The following GNB4 variants were observed in gnomAD, a reference collection of about 807,000 sequenced individuals.
GNB4 encodes the protein guanine nucleotide-binding protein subunit beta-4.
GNB4 carries 28 observed loss-of-function variants against 45.2 expected under a neutral mutation model. The observed-to-expected ratio is 0.62, with a 90% CI of 0.46 to 0.85. The LOEUF is 0.85. Ranked by LOEUF, GNB4 falls within the 40% of genes least tolerant of loss-of-function variation. The probability of loss-of-function intolerance (pLI) is 0.00; values close to 1 mark genes in which losing one functional copy is unlikely to be tolerated. For synonymous variants in GNB4, 132 were observed against 143.7 expected (o/e 0.92, Z 0.58); for missense variants, 321 against 425.4 (o/e 0.75, Z 2.16).
intron 8 of GNB4, among the ~76,000 whole-genome samples, chr3:179,408,660 T>C (rs1714550227): frequency 6.6e-6 from 1 of 151,924 alleles, no homozygotes; most frequent in Admixed American, 6.6e-5. Context: ...GGCATGGTAG[T>C]GTGCACCTGT....
chr3:179,405,582 A>AT, intron 8 of GNB4, 176 bp from the exon 9 acceptor site: 1 of 569,734 alleles, frequency 1.8e-6, no homozygotes, highest in Admixed American at 3.1e-5. Context: ...CAAAGTGGTG[A>AT]TTAAGACTGA....
chr3:179,414,169 A>C (rs1714730233), intron 6 of GNB4, among the ~76,000 whole-genome samples: 1 of 152,224 alleles, frequency 6.6e-6, no homozygotes, highest in African/African-American at 2.4e-5. Flanking sequence ...CCTATGAGTT[A>C]GCCCTTCTCT....
chr3:179,478,167 T>C, the GNB4 span, among the ~76,000 whole-genome samples: 4 of 152,038 alleles, frequency 2.6e-5, no homozygotes, highest in Admixed American at 2.6e-4. Context: ...ACAATCCACT[T>C]TCATGATAAC....
rs142308226 is a variant in GNB4 at position 179,426,167 on chromosome 3, C to G, written c.34G>C (p.Glu12Gln). 2.0e-5 allele frequency: 32 copies of G among 1,604,042 alleles called. No individual in the cohort carries two copies. The highest frequency in any genetic ancestry group is 2.6e-5 in the Non-Finnish European group (31 of 1,177,896). Reference sequence around the variant, plus strand: ...ACCTGAATCTGATTCCGCAGTTGTTCTGCTTCTTGCCTCAACTGTTCCAGT... The same window carrying G: ...ACCTGAATCTGATTCCGCAGTTGTTGTGCTTCTTGCCTCAACTGTTCCAGT... ...SELEQLRQEA[E>Q]QLRNQIQDAR... is the part of the protein sequence containing the mutation. The change falls in exon 2 of 10, where the codon GAA becomes CAA. Residue 12 changes from glutamate (E) to glutamine (Q), a missense_variant. Coordinates refer to ENST00000232564, the MANE Select transcript of GNB4 (RefSeq NM_021629.4).
At chr3:179,450,552 T>C (rs1340190569) in intron 1 of GNB4, among the ~76,000 whole-genome samples, 1 of 152,170 alleles carries the variant, frequency 6.6e-6, no homozygotes, top group Admixed American at 6.5e-5. Context: ...GATGCATCCT[T>C]ATCCTTTATG....
the GNB4 span, among the ~76,000 whole-genome samples, chr3:179,462,551 T>C: frequency 1.3e-5 from 2 of 152,122 alleles, no homozygotes; most frequent in Admixed American, 6.6e-5. Flanking sequence ...TTAAAAATAA[T>C]TGGTTGGCCG....
chr3:179,520,636 C>T, the GNB4 span, among the ~76,000 whole-genome samples: 3 of 152,098 alleles, frequency 2.0e-5, no homozygotes, highest in Admixed American at 1.3e-4. Context: ...ACTTTCTGCT[C>T]CCCGGCTCCT....
At chr3:179,510,998 C>G in the GNB4 span, among the ~76,000 whole-genome samples, 10 of 152,262 alleles carry the variant, frequency 6.6e-5, no homozygotes, top group African/African-American at 1.9e-4. Context: ...GACTCCCACC[C>G]CCCACCTACA....
At chr3:179,440,139 C>A (rs545227045) in intron 1 of GNB4, among the ~76,000 whole-genome samples, 1 of 152,222 alleles carries the variant, frequency 6.6e-6, no homozygotes, top group African/African-American at 2.4e-5. Flanking sequence ...CAATTAATTC[C>A]TTGACATATT....
chr3:179,524,773 T>C, the GNB4 span, among the ~76,000 whole-genome samples: 76 of 152,100 alleles, frequency 5.0e-4, no homozygotes, highest in Middle Eastern at 3.4e-3. Context: ...GCTAACTGAT[T>C]TGGGAGAGGT....
the GNB4 span, among the ~76,000 whole-genome samples, chr3:179,491,874 G>C: frequency 0.59 from 89,693 of 152,022 alleles, 26,872 homozygotes; most frequent in East Asian, 0.96. Flanking sequence ...AGGTATCAAT[G>C]TAATATCTAG....
chr3:179,494,293 AAGAG>A, the GNB4 span, among the ~76,000 whole-genome samples: 4 of 151,842 alleles, frequency 2.6e-5, no homozygotes, highest in African/African-American at 9.7e-5. Flanking sequence ...GAAAGAAAGA[AAGAG>A]AGAGGAAGGA....
the GNB4 span, among the ~76,000 whole-genome samples, chr3:179,522,199 C>T: frequency 2.0e-5 from 3 of 152,270 alleles, no homozygotes; most frequent in South Asian, 2.1e-4. Flanking sequence ...GTTAAAATGG[C>T]CTGTTCCTGC....
At chr3:179,465,056 G>C in the GNB4 span, 27 of 1,496,714 alleles carry the variant, frequency 1.8e-5, no homozygotes, top group South Asian at 2.7e-4. Context: ...TACTTCCAAA[G>C]AGCAGTTGAA....
At chr3:179,515,182 C>A in the GNB4 span, among the ~76,000 whole-genome samples, 569 of 152,338 alleles carry the variant, frequency 3.7e-3, 6 homozygotes, top group African/African-American at 0.013. Context: ...CAGCTACTAG[C>A]ACTGGGTGTT....
chr3:179,418,296 C>G (rs1026619561), intron 4 of GNB4, among the ~76,000 whole-genome samples: 22 of 151,358 alleles, frequency 1.5e-4, no homozygotes, highest in Non-Finnish European at 2.4e-4. Context: ...ATGGTGAAAC[C>G]CCCTCTCTAC....
chr3:179,434,696 G>A (rs2108611948), intron 1 of GNB4, among the ~76,000 whole-genome samples: 1 of 151,646 alleles, frequency 6.6e-6, no homozygotes, highest in South Asian at 2.1e-4. Flanking sequence ...ACTCCAGCCT[G>A]GGCAACAGAG....
At chr3:179,526,575 G>C in the GNB4 span, among the ~76,000 whole-genome samples, 1 of 152,152 alleles carries the variant, frequency 6.6e-6, no homozygotes, top group Non-Finnish European at 1.5e-5. Context: ...ACCCTGGAAG[G>C]CCACCCTGAG....
intron 4 of GNB4, among the ~76,000 whole-genome samples, chr3:179,418,478 A>C (rs1045889714): frequency 7.0e-6 from 1 of 142,002 alleles, no homozygotes; most frequent in South Asian, 2.1e-4. Flanking sequence ...CTCAAAAAAA[A>C]AAAAAAAAAA....
Sources: gnomAD v4.1 joint callset for allele counts (sites outside exome capture counted in the v4.1 genomes callset) on GRCh38, gnomAD v4.1.1 for gene constraint, MANE v1.5 for transcripts, NCBI Gene and HGNC (gene_info 2026-07-23, HGNC 2026-07-21) for gene names.